Variants in JADE3 observed in about 807,000 individuals in gnomAD.
JADE3 encodes jade family PHD finger 3, also known as protein Jade-3.
A neutral mutation model predicts 50.1 loss-of-function variants in JADE3; 2 were observed. The observed-to-expected ratio is 0.04, with a 90% CI of 0.02 to 0.13. JADE3 has a LOEUF of 0.13. Ranked by LOEUF, JADE3 falls within the 10% of genes least tolerant of loss-of-function variation. JADE3 has a pLI of 1.00. For missense variants in JADE3, 475 were observed against 634.4 expected (o/e 0.75, Z 2.70); for synonymous variants, 218 against 232.9 (o/e 0.94, Z 0.58).
At chrX:46,948,615 C>T (rs961325786) in intron 1 of JADE3, among the ~76,000 whole-genome samples, 1 of 111,814 alleles carries the variant, frequency 8.9e-6, no homozygotes, top group Non-Finnish European at 1.9e-5. Context: ...GAGGGAAAGC[C>T]TTAAATATAT....
At chrX:47,044,131 A>G (rs782719480) in intron 8 of JADE3, among the ~76,000 whole-genome samples, 2 of 111,817 alleles carry the variant, frequency 1.8e-5, no homozygotes, top group African/African-American at 3.2e-5. Context: ...ATAACAGAGA[A>G]CTTCCCAAAT....
chrX:46,979,458 A>G (rs1445163898), intron 1 of JADE3, among the ~76,000 whole-genome samples: 1 of 111,744 alleles, frequency 8.9e-6, no homozygotes, highest in Non-Finnish European at 1.9e-5. Context: ...TGAGATTTTT[A>G]GAGAATAAAA....
intron 1 of JADE3, among the ~76,000 whole-genome samples, chrX:46,913,829 T>C (rs1556335736): frequency 1.8e-5 from 2 of 110,585 alleles, no homozygotes; most frequent in African/African-American, 6.6e-5. Context: ...AAGAAACTTG[T>C]TTGGCCGCTT....
intron 1 of JADE3, among the ~76,000 whole-genome samples, chrX:46,917,258 G>A (rs1439550953): frequency 9.1e-6 from 1 of 110,239 alleles, no homozygotes; most frequent in Non-Finnish European, 1.9e-5. Context: ...GGGTGGCTCG[G>A]TGTGTTTCTA....
At chrX:47,022,135 C>T (rs1056573118) in intron 4 of JADE3, among the ~76,000 whole-genome samples, 1 of 112,292 alleles carries the variant, frequency 8.9e-6, no homozygotes, top group Non-Finnish European at 1.9e-5. Flanking sequence ...GTTAGCAAAA[C>T]GGTCTTCCTT....
intron 1 of JADE3, among the ~76,000 whole-genome samples, chrX:46,956,581 C>T (rs1477106054): frequency 7.3e-5 from 8 of 109,785 alleles, no homozygotes; most frequent in Non-Finnish European, 1.3e-4. Flanking sequence ...GGCTGGAGTG[C>T]GGTCGCGCAA....
In JADE3 at chrX:47,027,939, C is replaced by G. The variant is rs1170936763; in HGVS notation, c.523C>G (p.Leu175Val). ...TCTTATGGAAAAGACAGTAGAAGTC[C>G]TGGAACGCCATTGCCATGAAAATAT... is the stretch of plus-strand genomic sequence containing the variant. ...ENLMEKTVEV[L>V]ERHCHENMNH... The change falls in exon 6 of 11, where the codon CTG (leucine) becomes GTG (valine). Residue 175 changes from leucine to valine, a missense_variant. Around this residue, in one of 6 missense-constraint regions of JADE3, gnomAD observed 54 missense variants for 156.2 expected, o/e 0.35. Coordinates refer to ENST00000614628, the MANE Select transcript of JADE3 (RefSeq NM_014735.5). 1 of 1,210,606 alleles carries G rather than the reference C, an allele frequency of 8.3e-7. No individual in the cohort carries two copies. The highest frequency in any genetic ancestry group is 1.1e-6 in the Non-Finnish European group (1 of 894,786).
chrX:46,958,356 C>A (rs139388738), intron 1 of JADE3, among the ~76,000 whole-genome samples: 1 of 111,859 alleles, frequency 8.9e-6, no homozygotes, highest in African/African-American at 3.2e-5. Flanking sequence ...CTTTTGAATT[C>A]TCCTCTTTTC....
chrX:47,054,299 C>G lies in JADE3; in HGVS notation c.1114C>G (p.Leu372Val). ...CAAGCATAGCCAAAACAGGCAGAAACTTGGAGAAGCTGAGTACCCCCACCA... is the reference window on the plus strand; with the variant it reads ...CAAGCATAGCCAAAACAGGCAGAAAGTTGGAGAAGCTGAGTACCCCCACCA... ...CLKHSQNRQK[L>V]GEAEYPHHRA... The change falls in exon 9 of 11, where the codon CTT becomes GTT. Residue 372 changes from leucine (L) to valine (V), a missense_variant. Physicochemically the swap from Leu to Val is conservative, Grantham distance 32. Around this residue, in one of 6 missense-constraint regions of JADE3, gnomAD observed 81 missense variants for 123.8 expected, o/e 0.65. Transcript: ENST00000614628. The G allele has an allele frequency of 8.3e-7, 1 of 1,209,631 alleles. No homozygotes were observed. The highest frequency in any genetic ancestry group is 1.1e-6 in the Non-Finnish European group (1 of 894,892).
chrX:46,915,100 C>T (rs1902436247), intron 1 of JADE3, among the ~76,000 whole-genome samples: 1 of 111,879 alleles, frequency 8.9e-6, no homozygotes, highest in African/African-American at 3.3e-5. Flanking sequence ...CTTCTTTCTG[C>T]CCACTGCTTT....
At chrX:46,938,187 A>G (rs782435860) in intron 1 of JADE3, among the ~76,000 whole-genome samples, 4 of 111,647 alleles carry the variant, frequency 3.6e-5, no homozygotes, top group Non-Finnish European at 5.6e-5. Context: ...TAATGTAATT[A>G]TTGATATGAT....
At chrX:46,919,737 T>C (rs1440481576) in intron 1 of JADE3, among the ~76,000 whole-genome samples, 4 of 111,705 alleles carry the variant, frequency 3.6e-5, no homozygotes, top group Non-Finnish European at 7.5e-5. Context: ...TCATTTTGTA[T>C]GTCTTAGAGA....
At chrX:46,955,406 T>A in intron 1 of JADE3, among the ~76,000 whole-genome samples, 1 of 112,071 alleles carries the variant, frequency 8.9e-6, no homozygotes, top group East Asian at 2.8e-4. Context: ...CAAATAATAC[T>A]GATTTAATTA....
intron 4 of JADE3, among the ~76,000 whole-genome samples, chrX:47,019,513 T>G (rs1928748257): frequency 8.9e-6 from 1 of 111,753 alleles, no homozygotes; most frequent in Admixed American, 9.4e-5. Flanking sequence ...GCCTCCTGAG[T>G]AGCTGGGACT....
intron 1 of JADE3, among the ~76,000 whole-genome samples, chrX:46,981,047 G>A (rs898486045): frequency 6.3e-5 from 7 of 111,316 alleles, no homozygotes; most frequent in African/African-American, 2.3e-4. Flanking sequence ...GGGAGTAAGA[G>A]TGTCCTCTAA....
intron 4 of JADE3, among the ~76,000 whole-genome samples, chrX:47,021,040 G>A (rs782078851): frequency 1.3e-4 from 14 of 110,006 alleles, no homozygotes; most frequent in African/African-American, 4.6e-4. Flanking sequence ...CTTGAGCCCA[G>A]GAGGTTGAGG....
At chrX:46,916,574 C>T (rs917111707) in intron 1 of JADE3, among the ~76,000 whole-genome samples, 1 of 112,147 alleles carries the variant, frequency 8.9e-6, no homozygotes, top group Non-Finnish European at 1.9e-5. Flanking sequence ...ATAAACTCCA[C>T]TTTTCTCACC....
intron 4 of JADE3, among the ~76,000 whole-genome samples, chrX:47,004,888 A>G (rs1305254733): frequency 8.9e-6 from 1 of 112,407 alleles, no homozygotes; most frequent in African/African-American, 3.2e-5. Context: ...TGTTGCTTTC[A>G]TTTTAAAATT....
chrX:46,977,485 G>A (rs1335901845), intron 1 of JADE3, among the ~76,000 whole-genome samples: 1 of 111,990 alleles, frequency 8.9e-6, no homozygotes, highest in East Asian at 2.8e-4. Flanking sequence ...TTCTGTCGTG[G>A]TAAGAACACA....
Sources: allele counts gnomAD v4.1 joint callset (sites outside exome capture counted in the v4.1 genomes callset), GRCh38; gene constraint gnomAD v4.1.1; regional missense constraint gnomAD v4.1.1; transcripts MANE v1.5; gene names NCBI Gene and HGNC (gene_info 2026-07-23, HGNC 2026-07-21).